SERGEF: variants seen among roughly 807,000 people sequenced by gnomAD.
SERGEF encodes the protein secretion-regulating guanine nucleotide exchange factor.
Under a neutral mutation model 50.0 loss-of-function variants are expected in SERGEF, and 51 were observed. The observed-to-expected ratio is 1.02, with a 90% CI of 0.81 to 1.29. The LOEUF is 1.29. Among genes scored for constraint, SERGEF ranks in the 50% most tolerant of loss-of-function variants. The pLI, the probability that SERGEF is intolerant of heterozygous loss-of-function variation, is 0.00. For synonymous variants in SERGEF, 205 were observed against 212.4 expected (o/e 0.97, Z 0.30); for missense variants, 521 against 557.0 (o/e 0.94, Z 0.65).
At chr11:17,846,760 T>A (rs1203691995) in intron 10 of SERGEF, 1 of 456,270 alleles carries the variant, frequency 2.2e-6, no homozygotes, top group Admixed American at 2.3e-5. Flanking sequence ...CTTGCAGAGA[T>A]ACTGCAAAGA....
At chr11:17,821,478 A>AT (rs1246478443) in intron 10 of SERGEF, among the ~76,000 whole-genome samples, 2 of 152,194 alleles carry the variant, frequency 1.3e-5, no homozygotes, top group Non-Finnish European at 2.9e-5. Context: ...AATGATTAGC[A>AT]TGGCACCAGG....
At chr11:17,992,039 C>G (rs1853720488) in intron 7 of SERGEF, among the ~76,000 whole-genome samples, 1 of 152,068 alleles carries the variant, frequency 6.6e-6, no homozygotes, top group Admixed American at 6.6e-5. Flanking sequence ...CTGTCACTTT[C>G]AAGAAAATGC....
intron 9 of SERGEF, among the ~76,000 whole-genome samples, chr11:17,898,291 C>T (rs183076155): frequency 2.9e-4 from 44 of 152,238 alleles, no homozygotes; most frequent in African/African-American, 8.4e-4. Flanking sequence ...GAAGGGTGCA[C>T]GGCAGGGAGA....
intron 10 of SERGEF, among the ~76,000 whole-genome samples, chr11:17,821,797 C>T (rs1481169262): frequency 6.6e-6 from 1 of 152,148 alleles, no homozygotes; most frequent in African/African-American, 2.4e-5. Context: ...GTCCATCTCA[C>T]TCAAAAGAGA....
intron 1 of SERGEF, 35 bp downstream of exon 1, chr11:18,012,916 A>T (rs1438040647): frequency 6.5e-7 from 1 of 1,535,250 alleles, no homozygotes; most frequent in Non-Finnish European, 8.7e-7. Context: ...GGCGCCCCTC[A>T]GGGCCTGCAC....
At chr11:17,802,467 A>AT (rs1277439951) in intron 10 of SERGEF, among the ~76,000 whole-genome samples, 1 of 152,156 alleles carries the variant, frequency 6.6e-6, no homozygotes, top group Admixed American at 6.5e-5. Context: ...GGCGAGGCAC[A>AT]TTTGTCTCAG....
intron 10 of SERGEF, among the ~76,000 whole-genome samples, chr11:17,867,985 C>T (rs531626216): frequency 2.4e-4 from 37 of 152,302 alleles, no homozygotes; most frequent in African/African-American, 8.7e-4. Context: ...TCTTTTCCTT[C>T]TAGGCCTCTG....
chr11:18,010,924 G>C (rs1003996130), intron 1 of SERGEF, among the ~76,000 whole-genome samples: 1 of 152,126 alleles, frequency 6.6e-6, no homozygotes, highest in Admixed American at 6.6e-5. Context: ...CCATTACCAG[G>C]GGTGCAAGGC....
chr11:17,797,366 A>G (rs1249310360), intron 10 of SERGEF, among the ~76,000 whole-genome samples: 3 of 152,084 alleles, frequency 2.0e-5, no homozygotes, highest in Non-Finnish European at 4.4e-5. Context: ...TGTTCCTCAA[A>G]CAGTACTTGC....
chr11:17,881,121 A>AC (rs1851325800), intron 9 of SERGEF, among the ~76,000 whole-genome samples: 1 of 152,132 alleles, frequency 6.6e-6, no homozygotes, highest in South Asian at 2.1e-4. Flanking sequence ...CAGAACTAAA[A>AC]CCCAGGTCTG....
intron 10 of SERGEF, among the ~76,000 whole-genome samples, chr11:17,809,305 G>T (rs1222799791): frequency 3.9e-5 from 6 of 152,152 alleles, no homozygotes; most frequent in African/African-American, 1.4e-4. Context: ...AGAAATTTGG[G>T]ATGATAAGTA....
At chr11:17,953,145 C>T (rs1208950177) in intron 9 of SERGEF, among the ~76,000 whole-genome samples, 6 of 139,870 alleles carry the variant, frequency 4.3e-5, no homozygotes, top group Non-Finnish European at 6.0e-5. Context: ...CACCAAGACA[C>T]GGGAAGGGAC....
intron 1 of SERGEF, 138 bp from the exon 2 acceptor site, chr11:18,008,214 TA>T (rs1189900881): frequency 1.5e-4 from 124 of 849,226 alleles, no homozygotes; most frequent in Middle Eastern, 3.6e-4. Flanking sequence ...CATTCTTTTT[TA>T]AAAAAAAATT....
chr11:17,854,435 TATCTACCCA>T (rs1190709427), intron 10 of SERGEF, among the ~76,000 whole-genome samples: 3 of 152,204 alleles, frequency 2.0e-5, no homozygotes, highest in African/African-American at 7.2e-5. Flanking sequence ...AATGATGACA[TATCTACCCA>T]GTCTACCAAG....
rs575520400 is a variant in SERGEF at position 17,905,093 on chromosome 11, T to C, written c.1012-26849A>G. On this transcript the variant is annotated intron_variant, in intron 9 of 10. Coordinates refer to ENST00000265965, the MANE Select transcript of SERGEF (RefSeq NM_012139.4). ...ATCTATAAGAATATGGGTACACATTTCTGCATTTCAGTTGTAACATCAATA... is the reference window on the plus strand; with the variant it reads ...ATCTATAAGAATATGGGTACACATTCCTGCATTTCAGTTGTAACATCAATA... Among the ~76,000 whole-genome samples, 3 of 152,368 alleles carry C rather than the reference T, an allele frequency of 2.0e-5. No individual in the cohort carries two copies. In the South Asian group the frequency reaches 6.2e-4, roughly 32 times the overall value.
chr11:17,810,062 A>T lies in SERGEF; in HGVS notation c.1049-21649T>A, dbSNP rs184970527. On this transcript the variant is annotated intron_variant, in intron 10 of 10. Coordinates refer to ENST00000265965, the MANE Select transcript of SERGEF (RefSeq NM_012139.4). ...GCCTCTCTTTCTTTGACCCTAGTGT[A>T]TTCTTGGTGGAGGTCTTCTGTCATG... Among the ~76,000 whole-genome samples, 628 of 152,258 alleles carry T rather than the reference A, an allele frequency of 4.1e-3. 2 individuals carry two copies. Among genetic ancestry groups the T allele is most frequent in the African/African-American group, 0.014 (602 of 41,540 alleles).
chr11:17,959,718 G>A (rs959938629), intron 8 of SERGEF, 82 bp from the exon 9 acceptor site: 2 of 1,281,796 alleles, frequency 1.6e-6, no homozygotes, highest in Non-Finnish European at 2.2e-6. Context: ...AAGAGAAAGT[G>A]TGACATTTAT....
intron 10 of SERGEF, among the ~76,000 whole-genome samples, chr11:17,819,988 C>T (rs1850047467): frequency 6.6e-6 from 1 of 152,142 alleles, no homozygotes; most frequent in African/African-American, 2.4e-5. Context: ...AAAGTGCACA[C>T]CACCACACTT....
At chr11:17,899,086 C>G (rs544517281) in intron 9 of SERGEF, among the ~76,000 whole-genome samples, 1 of 152,198 alleles carries the variant, frequency 6.6e-6, no homozygotes, top group Non-Finnish European at 1.5e-5. Flanking sequence ...TGTAAGTTTC[C>G]TCAGGCCTTC....
Sources: allele counts gnomAD v4.1 joint callset (sites outside exome capture counted in the v4.1 genomes callset), GRCh38; gene constraint gnomAD v4.1.1; transcripts MANE v1.5; gene names NCBI Gene and HGNC (gene_info 2026-07-23, HGNC 2026-07-21).